HTR1F: variants seen among roughly 807,000 people sequenced by gnomAD.
HTR1F encodes the protein 5-hydroxytryptamine receptor 1F.
Under a neutral mutation model 24.0 loss-of-function variants are expected in HTR1F, and 17 were observed. The observed-to-expected ratio is 0.71, with a 90% CI of 0.48 to 1.06. The LOEUF is 1.06. HTR1F is among the 50% of genes least tolerant of loss of function. The pLI, the probability that HTR1F is intolerant of heterozygous loss-of-function variation, is 0.00. For missense variants in HTR1F, 391 were observed against 427.8 expected, an observed-to-expected ratio of 0.91 and a Z score of 0.76; for synonymous variants, 186 against 156.8, an observed-to-expected ratio of 1.19 and a Z score of -1.39.
intron 1 of HTR1F, among the ~76,000 whole-genome samples, chr3:87,808,975 A>G (rs1307655684): frequency 6.6e-6 from 1 of 151,738 alleles, no homozygotes; most frequent in Non-Finnish European, 1.5e-5. Context: ...TGTGGTTTCT[A>G]TTTTTAAAAG....
chr3:87,917,003 T>C (rs377674320), intron 2 of HTR1F, among the ~76,000 whole-genome samples: 105 of 152,254 alleles, frequency 6.9e-4, no homozygotes, highest in African/African-American at 2.5e-3. Flanking sequence ...ACTGAAATTA[T>C]ATCAAGCACT....
intron 2 of HTR1F, among the ~76,000 whole-genome samples, chr3:87,907,372 G>GA (rs1455422369): frequency 2.6e-5 from 3 of 114,288 alleles, no homozygotes; most frequent in African/African-American, 1.9e-4. Flanking sequence ...TTTTTGAAGG[G>GA]ATTTTTTTTT....
At chr3:87,914,949 C>G (rs192518468) in intron 2 of HTR1F, among the ~76,000 whole-genome samples, 1 of 152,148 alleles carries the variant, frequency 6.6e-6, no homozygotes, top group East Asian at 1.9e-4. Context: ...ATTTCACCCC[C>G]CTACCACCTC....
intron 2 of HTR1F, among the ~76,000 whole-genome samples, chr3:87,949,792 T>G (rs1960034): frequency 0.44 from 66,966 of 152,082 alleles, 15,764 homozygotes; most frequent in African/African-American, 0.61. Flanking sequence ...TTTTCTGTGA[T>G]AGCCCTTGGG....
At chr3:87,811,244 A>G (rs1428084890) in intron 1 of HTR1F, among the ~76,000 whole-genome samples, 1 of 151,578 alleles carries the variant, frequency 6.6e-6, no homozygotes, top group Non-Finnish European at 1.5e-5. Context: ...TGCAGTTCAT[A>G]TATTTCCAGG....
chr3:87,971,390 A>G (rs1013332402), intron 2 of HTR1F, among the ~76,000 whole-genome samples: 25 of 151,926 alleles, frequency 1.6e-4, no homozygotes, highest in African/African-American at 6.0e-4. Context: ...CAACATGATA[A>G]AACCCCGTTT....
intron 2 of HTR1F, among the ~76,000 whole-genome samples, chr3:87,928,892 A>T (rs935978207): frequency 7.2e-5 from 11 of 152,324 alleles, no homozygotes; most frequent in African/African-American, 1.7e-4. Context: ...CAAGAAAGCC[A>T]TCAGTGAAAA....
intron 2 of HTR1F, among the ~76,000 whole-genome samples, chr3:87,853,382 T>C (rs570752689): frequency 5.9e-5 from 9 of 152,262 alleles, no homozygotes; most frequent in African/African-American, 1.9e-4. Flanking sequence ...TCCATCCATG[T>C]TCCTGCAAAG....
At chr3:87,892,397 TA>T (rs56109257) in intron 2 of HTR1F, among the ~76,000 whole-genome samples, 16,523 of 152,250 alleles carry the variant, frequency 0.11, 1,100 homozygotes, top group Non-Finnish European at 0.15. Flanking sequence ...TTCAGTTTAA[TA>T]TCCAGATTCA....
intron 1 of HTR1F, among the ~76,000 whole-genome samples, chr3:87,813,575 T>C (rs1234977202): frequency 6.6e-6 from 1 of 152,174 alleles, no homozygotes; most frequent in Non-Finnish European, 1.5e-5. Context: ...TTTTGAACTG[T>C]GAAAAGACAT....
chr3:87,896,549 A>T (rs1163403439), intron 2 of HTR1F, among the ~76,000 whole-genome samples: 1 of 152,218 alleles, frequency 6.6e-6, no homozygotes, highest in Non-Finnish European at 1.5e-5. Context: ...CTCAGGGTAT[A>T]TGAGCAAAAA....
chr3:87,938,580 C>T (rs1038537108), intron 2 of HTR1F, among the ~76,000 whole-genome samples: 35 of 152,060 alleles, frequency 2.3e-4, no homozygotes, highest in African/African-American at 8.2e-4. Context: ...GGTACTGGTA[C>T]AAAAACTGAC....
At chr3:87,884,318 T>C (rs1705883976) in intron 2 of HTR1F, among the ~76,000 whole-genome samples, 1 of 152,028 alleles carries the variant, frequency 6.6e-6, no homozygotes, top group African/African-American at 2.4e-5. Flanking sequence ...CCACCCGATT[T>C]TGTCCTGCCT....
chr3:87,850,050 T>C (rs199788271), intron 2 of HTR1F, among the ~76,000 whole-genome samples: 18 of 151,888 alleles, frequency 1.2e-4, no homozygotes, highest in African/African-American at 3.6e-4. Context: ...GTCAGTGTGG[T>C]GATTCCTCAG....
chr3:87,814,747 C>G (rs1704220599), intron 1 of HTR1F, among the ~76,000 whole-genome samples: 1 of 152,108 alleles, frequency 6.6e-6, no homozygotes, highest in African/African-American at 2.4e-5. Context: ...CTTCCAGCTT[C>G]TATACTACTT....
At chr3:87,803,716 T>C (rs1474011588) in intron 1 of HTR1F, among the ~76,000 whole-genome samples, 1 of 152,188 alleles carries the variant, frequency 6.6e-6, no homozygotes, top group African/African-American at 2.4e-5. Flanking sequence ...AACTGAAAAG[T>C]AGAAGGAATA....
chr3:87,976,725 G>T (rs1705403280), intron 2 of HTR1F, among the ~76,000 whole-genome samples: 1 of 152,128 alleles, frequency 6.6e-6, no homozygotes, highest in South Asian at 2.1e-4. Context: ...GTATTTATCA[G>T]ATAGCTAACT....
intron 2 of HTR1F, among the ~76,000 whole-genome samples, chr3:87,971,167 C>T (rs781754537): frequency 1.8e-4 from 28 of 152,212 alleles, no homozygotes; most frequent in Non-Finnish European, 3.4e-4. Flanking sequence ...TTACCTTCTT[C>T]TTTCTGGCCT....
At chr3:87,909,550 C>T (rs942534604) in intron 2 of HTR1F, among the ~76,000 whole-genome samples, 3 of 151,970 alleles carry the variant, frequency 2.0e-5, no homozygotes, top group Admixed American at 6.6e-5. Flanking sequence ...TAGTAACAAA[C>T]ACTTGGTAGA....
Sources: allele counts gnomAD v4.1 joint callset (sites outside exome capture counted in the v4.1 genomes callset), GRCh38; gene constraint gnomAD v4.1.1; transcripts MANE v1.5; gene names NCBI Gene and HGNC (gene_info 2026-07-23, HGNC 2026-07-21).